Variants in ZNF141 observed in about 807,000 individuals in gnomAD.
The protein encoded by ZNF141 is zinc finger protein 141.
A neutral mutation model predicts 11.3 loss-of-function variants in ZNF141; 7 were observed. That is an observed-to-expected ratio of 0.62 (90% CI 0.35 to 1.16). The LOEUF (loss-of-function observed/expected upper bound fraction) is 1.16. Ranked by LOEUF, ZNF141 falls within the 50% of genes most tolerant of loss-of-function variation. ZNF141 has a pLI of 0.02. For missense variants in ZNF141, 535 were observed against 554.0 expected (o/e 0.97, Z 0.34); for synonymous variants, 183 against 190.7 (o/e 0.96, Z 0.33).
chr4:367,045 GATC>G (rs1711777928), intron 3 of ZNF141, among the ~76,000 whole-genome samples: 1 of 152,190 alleles, frequency 6.6e-6, no homozygotes, highest in Non-Finnish European at 1.5e-5. Flanking sequence ...ATTAGGTATA[GATC>G]ATATGTACCT....
At chr4:347,621 G>A (rs1436485958) in intron 3 of ZNF141, among the ~76,000 whole-genome samples, 1 of 151,838 alleles carries the variant, frequency 6.6e-6, no homozygotes, top group Non-Finnish European at 1.5e-5. Flanking sequence ...TTACAGGCGT[G>A]AGCCAAGGAG....
Position 372,881 on chromosome 4 carries a change from AG to A in ZNF141, c.445del (p.Ala149GlnfsTer38), listed in dbSNP as rs782819621. On this transcript the variant is annotated frameshift_variant, in exon 4 of 4. Coordinates refer to ENST00000240499, the MANE Select transcript of ZNF141 (RefSeq NM_003441.4). LOFTEE classifies it low-confidence loss of function (END_TRUNC). The stretch of plus-strand genomic sequence containing the variant: ...CCCAGAGCAAAATACTTCAGTGTAA[AG>A]CAAGTGTCAAAGTTGTTAGTAAATT... ...TTQSKILQCK[A>X]SVKVVSKFSN... 3 of 1,613,446 alleles carry A rather than the reference AG, an allele frequency of 1.9e-6. No homozygotes were observed. The highest frequency in any genetic ancestry group is 2.5e-6 in the Non-Finnish European group (3 of 1,179,514).
intron 3 of ZNF141, among the ~76,000 whole-genome samples, chr4:367,898 A>T (rs1553853114): frequency 6.6e-6 from 1 of 152,182 alleles, no homozygotes; most frequent in African/African-American, 2.4e-5. Context: ...ATTTTGTTAC[A>T]TAGGTATACA....
chr4:348,899 T>A (rs1721465219), intron 3 of ZNF141, among the ~76,000 whole-genome samples: 1 of 152,164 alleles, frequency 6.6e-6, no homozygotes. Context: ...AATCTATAGA[T>A]CACTTTGGAT....
rs201885088 is a variant in ZNF141 at position 347,039 on chromosome 4, C to CTT, written c.226+2623_226+2624dup. Among the ~76,000 whole-genome samples the CTT allele has an allele frequency of 1.5e-3, 203 of 134,800 alleles. 1 individual carries two copies. Among genetic ancestry groups the CTT allele is most frequent in the African/African-American group, 4.3e-3 (154 of 35,812 alleles). 88.4% of individuals were successfully genotyped at this position (134,800 alleles called of 152,430 possible). A position where few individuals can be genotyped will look rare whatever the true frequency, so the allele number is the denominator to read the frequency against. ...ATTATATGATACTTCTAGTTTTATTCTTTTTTTTTTTTTTTGAGATGGAGT... is the reference window on the plus strand; with the variant it reads ...ATTATATGATACTTCTAGTTTTATTCTTTTTTTTTTTTTTTTTGAGATGGAGT... On this transcript the variant is annotated intron_variant, in intron 3 of 3. Transcript: ENST00000240499.
At position 381,708 on chromosome 4, in the gene ZNF141, A is replaced by G. The variant is rs141109392; in HGVS notation, c.*7846A>G. Among the ~76,000 whole-genome samples, 13 of 151,578 alleles carry G rather than the reference A, an allele frequency of 8.6e-5. No individual in the cohort carries two copies. Among genetic ancestry groups the G allele is most frequent in the East Asian group, 2.0e-4 (1 of 5,068 alleles). The stretch of plus-strand genomic sequence containing the variant: ...ACAGGCGTGAGCCACCATGCCCTCA[A>G]ATATGCTTTCTTAGTACTCCACATT... On this transcript the variant is annotated 3_prime_UTR_variant, in exon 4 of 4. Coordinates refer to ENST00000240499, the MANE Select transcript of ZNF141 (RefSeq NM_003441.4).
chr4:366,412 G>A (rs1711744485), intron 3 of ZNF141, among the ~76,000 whole-genome samples: 1 of 151,626 alleles, frequency 6.6e-6, no homozygotes, highest in South Asian at 2.1e-4. Context: ...GGGTTCAAAT[G>A]ATTCTCCTGT....
Position 383,326 on chromosome 4 carries a change from G to A in ZNF141, c.*9464G>A. 1.7e-6 allele frequency: 1 copy of A among 585,300 alleles called. No homozygotes were observed. The highest frequency in any genetic ancestry group is 3.0e-6 in the Non-Finnish European group (1 of 331,712). 36.3% of individuals were successfully genotyped at this position (585,300 alleles called of 1,614,324 possible). A position where few individuals can be genotyped will look rare whatever the true frequency, so the allele number is the denominator to read the frequency against. On this transcript the variant is annotated 3_prime_UTR_variant, in exon 4 of 4. Transcript: ENST00000240499. ...TCAATCCTGAGCTAGTATGTTTCGG[G>A]ATTGTTATGCAGTTATAAGTTAGTA...
At chr4:346,878 TACAC>T (rs377666294) in intron 3 of ZNF141, among the ~76,000 whole-genome samples, 1 of 120,236 alleles carries the variant, frequency 8.3e-6, no homozygotes, top group Non-Finnish European at 1.7e-5. Context: ...TATATATGTA[TACAC>T]ACACACACAC....
intron 3 of ZNF141, among the ~76,000 whole-genome samples, chr4:367,583 A>G (rs6844695): frequency 0.49 from 73,224 of 150,126 alleles, 19,882 homozygotes; most frequent in African/African-American, 0.75. Flanking sequence ...GTGGTGCGAT[A>G]TCAGTTCACT....
intron 3 of ZNF141, among the ~76,000 whole-genome samples, chr4:353,336 G>T (rs7682942): frequency 6.7e-6 from 1 of 148,922 alleles, no homozygotes; most frequent in East Asian, 2.0e-4. Flanking sequence ...GATCATGCCA[G>T]TGCACTCCAG....
At chr4:366,642 C>T (rs1553852949) in intron 3 of ZNF141, among the ~76,000 whole-genome samples, 1 of 151,676 alleles carries the variant, frequency 6.6e-6, no homozygotes, top group African/African-American at 2.4e-5. Flanking sequence ...GAGTGTTCAC[C>T]TTTTCAATTC....
intron 3 of ZNF141, among the ~76,000 whole-genome samples, chr4:358,900 A>T (rs1721981702): frequency 6.6e-6 from 1 of 152,030 alleles, no homozygotes; most frequent in African/African-American, 2.4e-5. Flanking sequence ...TAAGATAATT[A>T]CTTTGAATTC....
Position 372,660 on chromosome 4 carries a change from T to C in ZNF141, c.227-4T>C. 1 of 1,495,736 alleles carries C rather than the reference T, an allele frequency of 6.7e-7. No homozygotes were observed. The highest frequency in any genetic ancestry group is 8.9e-7 in the Non-Finnish European group (1 of 1,120,194). The allele number at this position is 1,495,736 out of a possible 1,614,324, so 92.7% of individuals were successfully genotyped here. ...GGATAATTTGTAATTTTTATTTCTT[T>C]CAGCTATGTGTTCTCATTTCACCCA... is the stretch of plus-strand genomic sequence containing the variant. On this transcript the variant is annotated splice_polypyrimidine_tract_variant and splice_region_variant and intron_variant, in intron 3 of 3. Coordinates refer to ENST00000240499, the MANE Select transcript of ZNF141 (RefSeq NM_003441.4).
chr4:366,408 A>G (rs528010079), intron 3 of ZNF141, among the ~76,000 whole-genome samples: 2 of 152,322 alleles, frequency 1.3e-5, no homozygotes, highest in African/African-American at 4.8e-5. Context: ...TCCTGGGTTC[A>G]AATGATTCTC....
At chr4:366,074 A>C (rs1236872188) in intron 3 of ZNF141, among the ~76,000 whole-genome samples, 1 of 152,152 alleles carries the variant, frequency 6.6e-6, no homozygotes, top group Non-Finnish European at 1.5e-5. Flanking sequence ...TAATGCCTCC[A>C]GCTTGATTCT....
At position 377,450 on chromosome 4, in the gene ZNF141, T is replaced by C. The variant is rs1448274491; in HGVS notation, c.*3588T>C. On this transcript the variant is annotated 3_prime_UTR_variant, in exon 4 of 4. Coordinates refer to ENST00000240499, the MANE Select transcript of ZNF141 (RefSeq NM_003441.4). ...TGAATGTAAAGAGGATTTCTTTTCT[T>C]ATTTTCTAATTATCTTCAGTTTTGT... is the stretch of plus-strand genomic sequence containing the variant. Among the ~76,000 whole-genome samples, 1 of 152,234 alleles carries C rather than the reference T, an allele frequency of 6.6e-6. No homozygotes were observed. Among genetic ancestry groups the C allele is most frequent in the Non-Finnish European group, 1.5e-5 (1 of 68,042 alleles).
Position 376,943 on chromosome 4 carries a change from C to G in ZNF141, c.*3081C>G, listed in dbSNP as rs1446672801. On this transcript the variant is annotated 3_prime_UTR_variant, in exon 4 of 4. Transcript: ENST00000240499. ...TGCTAGAGCTATAATTTCTTTGATTCTCTTTTTTGTTTTCACTTCATGAAG... is the reference window on the plus strand; with the variant it reads ...TGCTAGAGCTATAATTTCTTTGATTGTCTTTTTTGTTTTCACTTCATGAAG... Among the ~76,000 whole-genome samples the G allele has an allele frequency of 6.6e-6, 1 of 151,966 alleles. No individual in the cohort carries two copies. Among genetic ancestry groups the G allele is most frequent in the Non-Finnish European group, 1.5e-5 (1 of 67,940 alleles).
At position 350,389 on chromosome 4, in the gene ZNF141, C is replaced by T. The variant is rs541019930; in HGVS notation, c.226+5959C>T. On this transcript the variant is annotated intron_variant, in intron 3 of 3. Transcript: ENST00000240499. ...GAATCATGCATTGTCACTTTGTTAGCGTCTTATTTCACTAAAATAATGGCC... is the reference window on the plus strand; with the variant it reads ...GAATCATGCATTGTCACTTTGTTAGTGTCTTATTTCACTAAAATAATGGCC... 9.2e-5 allele frequency: 31 copies of T among 336,678 alleles called. No individual in the cohort carries two copies. The Admixed American group carries it at 9.2e-4, about 10-fold the overall frequency. 20.9% of individuals were successfully genotyped at this position (336,678 alleles called of 1,614,324 possible).
Sources: gnomAD v4.1 joint callset for allele counts (sites outside exome capture counted in the v4.1 genomes callset) on GRCh38, gnomAD v4.1.1 for gene constraint, MANE v1.5 for transcripts, NCBI Gene and HGNC (gene_info 2026-07-23, HGNC 2026-07-21) for gene names.